The following SLC35F4 variants were observed in gnomAD, a reference collection of about 807,000 sequenced individuals.
The protein encoded by SLC35F4 is chromosome 14 open reading frame 36.
A neutral mutation model predicts 44.2 loss-of-function variants in SLC35F4; 24 were observed. That is an observed-to-expected ratio of 0.54 (90% CI 0.39 to 0.76). The LOEUF is 0.76. Among genes scored for constraint, SLC35F4 ranks in the 30% least tolerant of loss-of-function variants. The pLI, the probability that SLC35F4 is intolerant of heterozygous loss-of-function variation, is 0.00. For missense variants in SLC35F4, 562 were observed against 586.1 expected, an observed-to-expected ratio of 0.96 and a Z score of 0.42; for synonymous variants, 238 against 223.6, an observed-to-expected ratio of 1.06 and a Z score of -0.57.
chr14:57,635,958 T>G (rs2072999952), intron 1 of SLC35F4, among the ~76,000 whole-genome samples: 1 of 152,156 alleles, frequency 6.6e-6, no homozygotes, highest in South Asian at 2.1e-4. Context: ...CATAACTTCC[T>G]GGCTACACCA....
At chr14:57,803,208 C>T (rs182511900) in intron 1 of SLC35F4, among the ~76,000 whole-genome samples, 11 of 152,134 alleles carry the variant, frequency 7.2e-5, no homozygotes, top group Admixed American at 2.0e-4. Flanking sequence ...AAAAACCACA[C>T]GATTATCTCA....
At chr14:57,914,619 T>C (rs1454938799) in intron 1 of SLC35F4, among the ~76,000 whole-genome samples, 2 of 151,530 alleles carry the variant, frequency 1.3e-5, no homozygotes, top group African/African-American at 4.9e-5. Context: ...CCAGCAATAA[T>C]GGCACTAATC....
intron 2 of SLC35F4, among the ~76,000 whole-genome samples, chr14:57,591,979 A>T (rs541421391): frequency 6.6e-6 from 1 of 152,226 alleles, no homozygotes; most frequent in South Asian, 2.1e-4. Context: ...CATAGTATTG[A>T]CTCTAGGCTT....
intron 1 of SLC35F4, among the ~76,000 whole-genome samples, chr14:57,668,105 T>C (rs960893343): frequency 2.0e-5 from 3 of 150,826 alleles, no homozygotes; most frequent in Non-Finnish European, 3.0e-5. Context: ...CATTTTTTCA[T>C]GTGTCTGTTG....
At chr14:57,962,331 G>T (rs1210627407) in intron 1 of SLC35F4, among the ~76,000 whole-genome samples, 2 of 152,174 alleles carry the variant, frequency 1.3e-5, no homozygotes, top group South Asian at 4.2e-4. Flanking sequence ...CAAGTAGACA[G>T]AACTCCAGGA....
At chr14:57,926,539 G>T (rs1482069316) in intron 1 of SLC35F4, among the ~76,000 whole-genome samples, 3 of 152,098 alleles carry the variant, frequency 2.0e-5, no homozygotes, top group African/African-American at 7.2e-5. Context: ...AAAGCAACCT[G>T]ATACTAGAAA....
chr14:57,964,974 G>GAAAA (rs72495990), intron 1 of SLC35F4, among the ~76,000 whole-genome samples: 2 of 119,018 alleles, frequency 1.7e-5, no homozygotes, highest in African/African-American at 6.7e-5. Flanking sequence ...TCCCATGGGG[G>GAAAA]AAAAAAAAAA....
chr14:57,910,650 C>A (rs1263703108), intron 1 of SLC35F4, among the ~76,000 whole-genome samples: 1 of 151,962 alleles, frequency 6.6e-6, no homozygotes, highest in East Asian at 1.9e-4. Context: ...TTTGTCTAGT[C>A]TTTTGCCAAA....
chr14:57,890,899 A>G (rs577746551), intron 1 of SLC35F4, among the ~76,000 whole-genome samples: 1 of 152,342 alleles, frequency 6.6e-6, no homozygotes, highest in South Asian at 2.1e-4. Flanking sequence ...TGCACTAAGG[A>G]GCAAATAAAA....
intron 1 of SLC35F4, among the ~76,000 whole-genome samples, chr14:57,749,478 G>A (rs1262320336): frequency 6.6e-6 from 1 of 151,968 alleles, no homozygotes; most frequent in Non-Finnish European, 1.5e-5. Flanking sequence ...AATACATACT[G>A]ATCATACACA....
chr14:57,797,580 A>G (rs181349174), intron 1 of SLC35F4, among the ~76,000 whole-genome samples: 3 of 152,116 alleles, frequency 2.0e-5, no homozygotes, highest in African/African-American at 7.3e-5. Context: ...CAAACAGTCT[A>G]TGAAAAGTAG....
chr14:57,896,111 C>CT (rs1429408442), intron 1 of SLC35F4, among the ~76,000 whole-genome samples: 3 of 152,094 alleles, frequency 2.0e-5, no homozygotes, highest in African/African-American at 4.8e-5. Context: ...TGCACATCTC[C>CT]TTTAGTAAGT....
At chr14:57,658,033 T>C (rs981658589) in intron 1 of SLC35F4, among the ~76,000 whole-genome samples, 4 of 152,184 alleles carry the variant, frequency 2.6e-5, no homozygotes, top group Admixed American at 1.3e-4. Context: ...GCCTGACACA[T>C]AGTCAACACC....
intron 1 of SLC35F4, among the ~76,000 whole-genome samples, chr14:57,635,175 G>C (rs2072963615): frequency 6.7e-6 from 1 of 150,122 alleles, no homozygotes; most frequent in Admixed American, 6.7e-5. Context: ...GAGCTCAGAA[G>C]TTTGAGGCTG....
chr14:57,641,666 A>G (rs113681967), intron 1 of SLC35F4, among the ~76,000 whole-genome samples: 1 of 152,040 alleles, frequency 6.6e-6, no homozygotes, highest in African/African-American at 2.4e-5. Flanking sequence ...CCACTAAAAC[A>G]TGATTTAATT....
chr14:57,939,848 T>C lies in SLC35F4; in HGVS notation n.282+42065A>G, dbSNP rs57717763. Among the ~76,000 whole-genome samples, 771 of 152,286 alleles carry C rather than the reference T, an allele frequency of 5.1e-3. 5 individuals are homozygous for C. The highest frequency in any genetic ancestry group is 0.017 in the African/African-American group (727 of 41,552). On this transcript the variant is annotated intron_variant and non_coding_transcript_variant, in intron 1 of 1. Coordinates refer to the SLC35F4 transcript ENST00000556568. ...TTTGCAACCACAATATATATAAATA[T>C]TTTTTTACATTCGCACTGCAAATAT...
intron 1 of SLC35F4, among the ~76,000 whole-genome samples, chr14:57,730,142 C>T (rs1001434858): frequency 6.6e-6 from 1 of 152,160 alleles, no homozygotes; most frequent in Non-Finnish European, 1.5e-5. Flanking sequence ...TCCTCAATGC[C>T]TCTTTTGGCA....
chr14:57,872,611 C>T (rs1888318460), intron 1 of SLC35F4, among the ~76,000 whole-genome samples: 1 of 152,164 alleles, frequency 6.6e-6, no homozygotes, highest in Non-Finnish European at 1.5e-5. Flanking sequence ...AATGCATTTG[C>T]TTGGCTCAAG....
chr14:57,949,712 C>T (rs1890100719), intron 1 of SLC35F4, among the ~76,000 whole-genome samples: 1 of 152,056 alleles, frequency 6.6e-6, no homozygotes, highest in Admixed American at 6.6e-5. Context: ...TCTTGTAGTG[C>T]TAGTTCTCTA....
Sources: allele counts gnomAD v4.1 joint callset (sites outside exome capture counted in the v4.1 genomes callset), GRCh38; gene constraint gnomAD v4.1.1; transcripts MANE v1.5; gene names NCBI Gene and HGNC (gene_info 2026-07-23, HGNC 2026-07-21).